Variants in MAPK10 observed in about 807,000 individuals in gnomAD.
MAPK10 encodes mitogen-activated protein kinase 10, also known as JNK3 alpha protein kinase.
Under a neutral mutation model 59.3 loss-of-function variants are expected in MAPK10, and 25 were observed. The ratio of observed to expected loss-of-function variants is 0.42; its 90% confidence interval spans 0.31 to 0.59. MAPK10 has a LOEUF of 0.59. Among genes scored for constraint, MAPK10 ranks in the 20% least tolerant of loss-of-function variants. The pLI is 0.15. For missense variants in MAPK10, 351 were observed against 568.9 expected (o/e 0.62, Z 3.90); for synonymous variants, 190 against 200.5 (o/e 0.95, Z 0.44).
intron 1 of MAPK10, among the ~76,000 whole-genome samples, chr4:86,581,661 T>G (rs1762274575): frequency 6.8e-6 from 1 of 146,940 alleles, no homozygotes; most frequent in Non-Finnish European, 1.5e-5. Flanking sequence ...CTAAGCTATC[T>G]TTTTTTTTCA....
At chr4:86,193,063 C>T (rs2080328434) in intron 3 of MAPK10, 1 of 152,344 alleles carries the variant, frequency 6.6e-6, no homozygotes, top group Non-Finnish European at 1.5e-5. Flanking sequence ...TGCTGGGGGT[C>T]CACTCCAGAT....
At chr4:86,490,498 T>C (rs1754373816) in intron 1 of MAPK10, among the ~76,000 whole-genome samples, 1 of 152,236 alleles carries the variant, frequency 6.6e-6, no homozygotes, top group Non-Finnish European at 1.5e-5. Context: ...GGCCCATCCA[T>C]GCAATATACT....
At chr4:86,507,625 T>TAC (rs1564963614) in intron 1 of MAPK10, among the ~76,000 whole-genome samples, 3 of 38,086 alleles carry the variant, frequency 7.9e-5, no homozygotes, top group African/African-American at 1.3e-4. Context: ...GATATATATA[T>TAC]ATATATATAT....
chr4:86,277,633 T>G lies in MAPK10; in HGVS notation c.-7+76897A>C, dbSNP rs2094627991. Among the ~76,000 whole-genome samples the G allele has an allele frequency of 7.9e-5, 12 of 152,294 alleles. No individual in the cohort carries two copies. In the South Asian group the frequency reaches 2.5e-3, roughly 32 times the overall value. ...AACTTTTTTTAAGTGTTAAGTTATA[T>G]TTGCAAGCAAAGTTACACAGAGTAA... On this transcript the variant is annotated intron_variant, in intron 2 of 13. Transcript: ENST00000641462.
intron 1 of MAPK10, among the ~76,000 whole-genome samples, chr4:86,436,962 C>T (rs762337230): frequency 4.6e-5 from 7 of 152,054 alleles, no homozygotes; most frequent in Non-Finnish European, 1.0e-4. Flanking sequence ...CCTGTAATCC[C>T]AGCACTTTGG....
chr4:86,303,243 T>C (rs920186506), intron 2 of MAPK10, among the ~76,000 whole-genome samples: 1 of 152,184 alleles, frequency 6.6e-6, no homozygotes, highest in Non-Finnish European at 1.5e-5. Flanking sequence ...TATTTTTCCA[T>C]AAAGTCTACA....
chr4:86,335,041 A>C (rs1451142908), intron 2 of MAPK10: 1 of 152,208 alleles, frequency 6.6e-6, no homozygotes, highest in Non-Finnish European at 1.5e-5. Context: ...ATAATGGAAA[A>C]GAAGGAGAAA....
chr4:86,431,010 G>C (rs922725181), intron 1 of MAPK10, among the ~76,000 whole-genome samples: 1 of 151,908 alleles, frequency 6.6e-6, no homozygotes, highest in Non-Finnish European at 1.5e-5. Context: ...TTATAAGAAG[G>C]CTATTGCAAT....
intron 1 of MAPK10, among the ~76,000 whole-genome samples, chr4:86,500,937 A>G (rs17011950): frequency 0.092 from 14,033 of 152,070 alleles, 850 homozygotes; most frequent in East Asian, 0.24. Flanking sequence ...GCTCCTTAAT[A>G]GGACAATTTT....
intron 2 of MAPK10, among the ~76,000 whole-genome samples, chr4:86,315,157 A>C (rs963840460): frequency 3.3e-5 from 5 of 152,088 alleles, no homozygotes; most frequent in African/African-American, 1.2e-4. Flanking sequence ...GACAAACATC[A>C]CATGTTCTTA....
intron 1 of MAPK10, among the ~76,000 whole-genome samples, chr4:86,550,812 T>TTCC (rs55968063): frequency 0.23 from 34,307 of 152,160 alleles, 4,585 homozygotes; most frequent in Admixed American, 0.3. Flanking sequence ...GAGGCTCATA[T>TTCC]TCCTCCGTGT....
chr4:86,052,020 C>A (rs892653195), intron 11 of MAPK10, among the ~76,000 whole-genome samples: 1 of 151,930 alleles, frequency 6.6e-6, no homozygotes, highest in Non-Finnish European at 1.5e-5. Context: ...CTATTAATTT[C>A]TATTTCTTGA....
At chr4:86,412,282 T>G (rs1179028295) in intron 1 of MAPK10, among the ~76,000 whole-genome samples, 2 of 152,250 alleles carry the variant, frequency 1.3e-5, no homozygotes, top group Non-Finnish European at 2.9e-5. Context: ...GTTAGTCTGA[T>G]GGACTTCCCT....
In MAPK10 at chr4:86,360,041, C is replaced by T. The variant is rs1736584342; in HGVS notation, c.-505G>A. The stretch of plus-strand genomic sequence containing the variant: ...GAAACCATTGTGCAGCGTGATGCTG[C>T]CTGTACCATTGTGGAACCTACCAGA... On this transcript the variant is annotated 5_prime_UTR_variant, in exon 1 of 14. Coordinates refer to ENST00000641462, the MANE Select transcript of MAPK10 (RefSeq NM_138982.4). 3 of 985,730 alleles carry T rather than the reference C, an allele frequency of 3.0e-6. No individual in the cohort carries two copies. Among genetic ancestry groups the T allele is most frequent in the Admixed American group, 6.2e-5 (1 of 16,238 alleles). The allele number at this position is 985,730 out of a possible 1,614,324, so 61.1% of individuals were successfully genotyped here.
intron 2 of MAPK10, among the ~76,000 whole-genome samples, chr4:86,343,698 C>A (rs552757866): frequency 2.0e-5 from 3 of 152,156 alleles, no homozygotes; most frequent in Admixed American, 1.3e-4. Context: ...CACTCTCGTA[C>A]TCTCACAGGT....
chr4:86,414,789 T>C (rs1350428239), intron 1 of MAPK10, among the ~76,000 whole-genome samples: 9 of 152,042 alleles, frequency 5.9e-5, no homozygotes, highest in South Asian at 4.1e-4. Context: ...ATGAATACAA[T>C]TGGGTATTTT....
chr4:86,261,239 C>T (rs73834261), intron 2 of MAPK10, among the ~76,000 whole-genome samples: 1,977 of 152,266 alleles, frequency 0.013, 42 homozygotes, highest in African/African-American at 0.045. Context: ...TAATTCATCA[C>T]GTAATTGTTG....
intron 9 of MAPK10, 40 bp from the exon 10 acceptor site, chr4:86,067,995 C>A: frequency 2.1e-6 from 3 of 1,404,994 alleles, no homozygotes; most frequent in Non-Finnish European, 2.9e-6. Flanking sequence ...AAGAGCAGAC[C>A]ACTAGCCTTT....
chr4:86,090,582 C>T (rs1346761061), intron 9 of MAPK10: 1 of 151,970 alleles, frequency 6.6e-6, no homozygotes, highest in Non-Finnish European at 1.5e-5. Flanking sequence ...TTATTATTAA[C>T]GTGTTTGTAA....
Sources: gnomAD v4.1 joint callset for allele counts (sites outside exome capture counted in the v4.1 genomes callset) on GRCh38, gnomAD v4.1.1 for gene constraint, MANE v1.5 for transcripts, NCBI Gene and HGNC (gene_info 2026-07-23, HGNC 2026-07-21) for gene names.